The following LRRFIP2 variants were observed in gnomAD, a reference collection of about 807,000 sequenced individuals.
LRRFIP2 encodes the protein LRR binding FLII interacting protein 2.
A neutral mutation model predicts 125.9 loss-of-function variants in LRRFIP2; 109 were observed. The observed-to-expected ratio is 0.87, with a 90% CI of 0.74 to 1.01. The LOEUF (loss-of-function observed/expected upper bound fraction) is 1.01, where lower values mean the gene tolerates loss of function less well. Ranked by LOEUF, LRRFIP2 falls within the 50% of genes least tolerant of loss-of-function variation. The pLI is 0.00. For synonymous variants in LRRFIP2, 291 were observed against 293.1 expected (o/e 0.99, Z 0.07); for missense variants, 850 against 862.3 (o/e 0.99, Z 0.18).
At chr3:37,136,024 T>G (rs1031743123) in intron 2 of LRRFIP2, among the ~76,000 whole-genome samples, 4 of 152,066 alleles carry the variant, frequency 2.6e-5, no homozygotes, top group Non-Finnish European at 5.9e-5. Flanking sequence ...AGCCAAAAAG[T>G]AGAAATAACC....
intron 21 of LRRFIP2, among the ~76,000 whole-genome samples, chr3:37,069,276 A>G (rs1366164928): frequency 6.6e-6 from 1 of 152,234 alleles, no homozygotes; most frequent in African/African-American, 2.4e-5. Flanking sequence ...AGTCTTGAAG[A>G]GTTATTTGAA....
At chr3:37,146,661 C>A (rs2095862834) in intron 2 of LRRFIP2, among the ~76,000 whole-genome samples, 1 of 152,182 alleles carries the variant, frequency 6.6e-6, no homozygotes, top group Non-Finnish European at 1.5e-5. Context: ...CTTTTTATGG[C>A]TGCACAATAT....
At position 37,058,826 on chromosome 3, in the gene LRRFIP2, G is replaced by C. The variant is rs1198757341; in HGVS notation, c.1834C>G (p.Gln612Glu). The change falls in exon 25 of 28, where the codon CAG becomes GAG. Residue 612 changes from glutamine (Q) to glutamate (E), a missense_variant. Transcript: ENST00000336686. ...DGTVGDLAGL[Q>E]NGSDLQFIEM... ...ATGAACTGCAAGTCTGAGCCATTCTGCAGTCCTGCCAGGTCACCCACTGTG... is the reference window on the plus strand; with the variant it reads ...ATGAACTGCAAGTCTGAGCCATTCTCCAGTCCTGCCAGGTCACCCACTGTG... 6.2e-7 allele frequency: 1 copy of C among 1,614,060 alleles called. No individual in the cohort carries two copies. The highest frequency in any genetic ancestry group is 8.5e-7 in the Non-Finnish European group (1 of 1,179,982).
intron 16 of LRRFIP2, 152 bp downstream of exon 16, chr3:37,096,464 C>T (rs529852965): frequency 2.5e-5 from 14 of 562,376 alleles, no homozygotes; most frequent in Non-Finnish European, 4.1e-5. Context: ...GATTTAACTC[C>T]GAAGGAATTT....
intron 23 of LRRFIP2, chr3:37,064,586 CAAAA>C (rs3067690): frequency 2.0e-5 from 2 of 101,138 alleles, no homozygotes; most frequent in Non-Finnish European, 3.9e-5. Context: ...GACTTCGTCT[CAAAA>C]AAAAAAAAAA....
At chr3:37,114,978 C>A in intron 7 of LRRFIP2, 76 bp downstream of exon 7, 1 of 1,130,806 alleles carries the variant, frequency 8.8e-7, no homozygotes, top group South Asian at 1.4e-5. Context: ...GAAAGTTAGT[C>A]ATATTCTATA....
intron 6 of LRRFIP2, among the ~76,000 whole-genome samples, chr3:37,120,845 A>G (rs888484395): frequency 1.1e-4 from 17 of 152,184 alleles, no homozygotes; most frequent in Non-Finnish European, 1.9e-4. Flanking sequence ...AGCATTATCA[A>G]TGTGCAAAAT....
At chr3:37,162,047 G>A (rs2096359770) in intron 1 of LRRFIP2, among the ~76,000 whole-genome samples, 1 of 150,842 alleles carries the variant, frequency 6.6e-6, no homozygotes, top group African/African-American at 2.4e-5. Flanking sequence ...AGCTAGGCGT[G>A]GTGGGGACTG....
At chr3:37,073,585 T>C (rs1168547670) in intron 20 of LRRFIP2, among the ~76,000 whole-genome samples, 1 of 152,156 alleles carries the variant, frequency 6.6e-6, no homozygotes, top group Non-Finnish European at 1.5e-5. Flanking sequence ...TTATTTGTAA[T>C]ATTTAAAGTT....
chr3:37,084,601 G>A (rs1025972518), intron 18 of LRRFIP2, among the ~76,000 whole-genome samples: 2 of 152,148 alleles, frequency 1.3e-5, no homozygotes, highest in Non-Finnish European at 2.9e-5. Context: ...AGGAGGTCAA[G>A]GCTACAGTAA....
At chr3:37,103,165 T>C (rs956555313) in intron 14 of LRRFIP2, 152 bp from the exon 15 acceptor site, 1 of 570,206 alleles carries the variant, frequency 1.8e-6, no homozygotes, top group African/African-American at 1.9e-5. Flanking sequence ...GCAATTAACC[T>C]ACTCAAAAAA....
At chr3:37,109,491 C>T (rs1478481820) in intron 11 of LRRFIP2, 36 bp downstream of exon 11, 4 of 1,610,648 alleles carry the variant, frequency 2.5e-6, no homozygotes, top group Admixed American at 1.7e-5. Context: ...ATTGACCCCA[C>T]CAGCACTGCA....
intron 1 of LRRFIP2, among the ~76,000 whole-genome samples, chr3:37,169,369 C>T (rs1288738618): frequency 5.3e-5 from 8 of 152,172 alleles, no homozygotes; most frequent in Non-Finnish European, 1.2e-4. Context: ...AATGCCCTCT[C>T]ATTTCCTTGA....
At chr3:37,057,935 G>A (rs538286739) in intron 25 of LRRFIP2, among the ~76,000 whole-genome samples, 11 of 152,156 alleles carry the variant, frequency 7.2e-5, no homozygotes, top group Middle Eastern at 6.8e-3. Context: ...GGAATAATTC[G>A]GGTAAAATGA....
chr3:37,067,399 T>C (rs779554487), intron 21 of LRRFIP2: 7 of 152,248 alleles, frequency 4.6e-5, no homozygotes, highest in Non-Finnish European at 1.0e-4. Flanking sequence ...TATGCAGGAA[T>C]CTGATTACTG....
intron 2 of LRRFIP2, 78 bp downstream of exon 2, chr3:37,148,816 G>A (rs749029590): frequency 2.6e-5 from 39 of 1,516,716 alleles, no homozygotes; most frequent in Middle Eastern, 1.7e-4. Context: ...ATGAGTAAAC[G>A]TCTATATCTC....
At chr3:37,151,388 T>TA (rs1170056486) in intron 1 of LRRFIP2, among the ~76,000 whole-genome samples, 5 of 149,694 alleles carry the variant, frequency 3.3e-5, no homozygotes, top group Admixed American at 3.3e-4. Flanking sequence ...TGACAAAAGG[T>TA]ACTTCTTAAT....
intron 14 of LRRFIP2, among the ~76,000 whole-genome samples, chr3:37,103,789 T>G (rs185234372): frequency 2.0e-5 from 3 of 152,352 alleles, no homozygotes; most frequent in Admixed American, 1.3e-4. Flanking sequence ...TCTTTTTGTT[T>G]CTTTACTAGC....
intron 8 of LRRFIP2, among the ~76,000 whole-genome samples, chr3:37,112,711 G>A (rs908636461): frequency 2.4e-4 from 37 of 152,300 alleles, no homozygotes; most frequent in African/African-American, 8.2e-4. Context: ...TTGTGATATA[G>A]TACTAACTCT....
Sources: allele counts gnomAD v4.1 joint callset (sites outside exome capture counted in the v4.1 genomes callset), GRCh38; gene constraint gnomAD v4.1.1; transcripts MANE v1.5; gene names NCBI Gene and HGNC (gene_info 2026-07-23, HGNC 2026-07-21).